The following ANKS1A variants were observed in gnomAD, a reference collection of about 807,000 sequenced individuals.
ANKS1A encodes the protein ankyrin repeat and SAM domain-containing protein 1A.
Under a neutral mutation model 120.3 loss-of-function variants are expected in ANKS1A, and 55 were observed. That is an observed-to-expected ratio of 0.46 (90% confidence interval 0.37 to 0.57). The LOEUF (loss-of-function observed/expected upper bound fraction) is 0.57. Among genes scored for constraint, ANKS1A ranks in the 20% least tolerant of loss-of-function variants. The pLI is 0.00. For missense variants in ANKS1A, 1,123 were observed against 1,480.3 expected (o/e 0.76, Z 3.96); for synonymous variants, 590 against 604.7 (o/e 0.98, Z 0.36).
At chr6:35,075,605 G>A (rs1050704963) in intron 13 of ANKS1A, among the ~76,000 whole-genome samples, 3 of 151,900 alleles carry the variant, frequency 2.0e-5, no homozygotes, top group Admixed American at 6.6e-5. Flanking sequence ...TAGTAGAGAC[G>A]GGGTTTCACC....
chr6:35,066,368 C>T (rs978499039), intron 13 of ANKS1A, among the ~76,000 whole-genome samples: 2 of 128,444 alleles, frequency 1.6e-5, no homozygotes, highest in South Asian at 5.1e-4. Flanking sequence ...CCTCTGACTC[C>T]AGACTCACTT....
chr6:35,020,511 C>T (rs755501338), intron 11 of ANKS1A, among the ~76,000 whole-genome samples: 11 of 152,292 alleles, frequency 7.2e-5, no homozygotes, highest in Non-Finnish European at 1.0e-4. Flanking sequence ...ATCCTTTAAA[C>T]GGGCTGGAAG....
chr6:35,052,294 C>T (rs776891809), intron 11 of ANKS1A, among the ~76,000 whole-genome samples: 44 of 149,174 alleles, frequency 2.9e-4, no homozygotes, highest in African/African-American at 1.0e-3. Flanking sequence ...CAAAAAATAA[C>T]AAAAAAATTA....
At chr6:34,904,757 C>T (rs1767557587) in intron 1 of ANKS1A, among the ~76,000 whole-genome samples, 1 of 152,146 alleles carries the variant, frequency 6.6e-6, no homozygotes, top group Non-Finnish European at 1.5e-5. Context: ...ATGTTTTGCA[C>T]TTCCTGTTGC....
At chr6:35,072,521 T>C (rs753069222) in intron 13 of ANKS1A, among the ~76,000 whole-genome samples, 2 of 152,206 alleles carry the variant, frequency 1.3e-5, no homozygotes, top group African/African-American at 2.4e-5. Flanking sequence ...TGAACTCCAA[T>C]AGGCCAGGCT....
chr6:35,039,658 C>T (rs755332577), intron 11 of ANKS1A: 196 of 456,022 alleles, frequency 4.3e-4, no homozygotes, highest in Middle Eastern at 2.3e-3. Flanking sequence ...CAGTGCTCTG[C>T]ACAGAAGCCA....
chr6:35,077,130 T>C (rs925498647), intron 13 of ANKS1A, among the ~76,000 whole-genome samples: 2 of 152,152 alleles, frequency 1.3e-5, no homozygotes, highest in African/African-American at 4.8e-5. Context: ...GTGTGGGGGA[T>C]CTAGCACTGG....
At chr6:34,973,279 C>T (rs1771276580) in intron 3 of ANKS1A, among the ~76,000 whole-genome samples, 1 of 152,110 alleles carries the variant, frequency 6.6e-6, no homozygotes, top group African/African-American at 2.4e-5. Flanking sequence ...TCACTCTTGA[C>T]CCAGGAAGCG....
At position 35,058,122 on chromosome 6, in the gene ANKS1A, C is replaced by G. The variant is rs961740121; in HGVS notation, c.2078-2025C>G. 2 of 152,428 alleles carry G rather than the reference C, an allele frequency of 1.3e-5. No homozygotes were observed. The highest frequency in any genetic ancestry group is 6.5e-5 in the Admixed American group (1 of 15,276). The allele number at this position is 152,428 out of a possible 1,614,324, so 9.4% of individuals were successfully genotyped here. On this transcript the variant is annotated intron_variant, in intron 12 of 23. Coordinates refer to ENST00000360359, the MANE Select transcript of ANKS1A (RefSeq NM_015245.3). This position sits in a 1 kb window ranked among gnomAD's most constrained non-coding sequence, Gnocchi z 5.1. ...GTTGCTTCTGCTCCGATGTGATGTC[C>G]GATCCCTGATGTATTTTCCTGAGCT...
chr6:34,892,510 G>A (rs1286820263), intron 1 of ANKS1A, among the ~76,000 whole-genome samples: 3 of 152,202 alleles, frequency 2.0e-5, no homozygotes, highest in Non-Finnish European at 2.9e-5. Context: ...GGCAGAAATA[G>A]GAGCTTACAG....
Position 35,084,108 on chromosome 6 carries a change from CTT to C in ANKS1A, c.2995-11_2995-10del, listed in dbSNP as rs771162329. ...TGAGCCTGAGAATTCCAGAACACGGCTTTCCCCAGCAGAACGTCATTGCAGAG... is the reference window on the plus strand; with the variant it reads ...TGAGCCTGAGAATTCCAGAACACGGCTCCCCAGCAGAACGTCATTGCAGAG... On this transcript the variant is annotated splice_polypyrimidine_tract_variant and intron_variant, in intron 20 of 23. Coordinates refer to ENST00000360359, the MANE Select transcript of ANKS1A (RefSeq NM_015245.3). The surrounding 1 kb of genome is among the most constrained non-coding windows in gnomAD (Gnocchi z 4.8). The C allele has an allele frequency of 1.2e-6, 2 of 1,613,790 alleles. No homozygotes were observed. Among genetic ancestry groups the C allele is most frequent in the Non-Finnish European group, 1.7e-6 (2 of 1,179,862 alleles).
rs769768943 is a variant in ANKS1A, at chr6:34,982,018, CAA to C, written c.732+33_732+34del. On this transcript the variant is annotated intron_variant, in intron 4 of 23. Coordinates refer to ENST00000360359, the MANE Select transcript of ANKS1A (RefSeq NM_015245.3). The surrounding 1 kb of genome is among the most constrained non-coding windows in gnomAD (Gnocchi z 4.9). ...GGGCGGGTGGGGGCTCCTCCAATCT[CAA>C]GAGACTCAGTCATTTTGCAGAAGGC... 6.2e-7 allele frequency: 1 copy of C among 1,606,402 alleles called. No homozygotes were observed. Among genetic ancestry groups the C allele is most frequent in the Admixed American group, 1.7e-5 (1 of 59,430 alleles).
intron 1 of ANKS1A, among the ~76,000 whole-genome samples, chr6:34,916,471 G>A (rs1206414491): frequency 6.6e-6 from 1 of 152,174 alleles, no homozygotes; most frequent in Admixed American, 6.5e-5. Flanking sequence ...GGAGACTGCT[G>A]TAGAAGAAAA....
Position 34,982,976 on chromosome 6 carries a change from G to T in ANKS1A, c.809-137G>T. The T allele has an allele frequency of 8.0e-7, 1 of 1,243,128 alleles. No individual in the cohort carries two copies. The highest frequency in any genetic ancestry group is 1.3e-5 in the South Asian group (1 of 78,782). 77.0% of individuals were successfully genotyped at this position (1,243,128 alleles called of 1,614,324 possible). On this transcript the variant is annotated intron_variant, in intron 5 of 23. Coordinates refer to ENST00000360359, the MANE Select transcript of ANKS1A (RefSeq NM_015245.3). The surrounding 1 kb of genome is among the most constrained non-coding windows in gnomAD (Gnocchi z 4.9). ...GATTACAAGTGTGTAAACTGTTCTTGAATAGCTGGATTAAATGGCTCTGGA... is the reference window on the plus strand; with the variant it reads ...GATTACAAGTGTGTAAACTGTTCTTTAATAGCTGGATTAAATGGCTCTGGA...
At chr6:35,051,732 G>A (rs1437736812) in intron 11 of ANKS1A, among the ~76,000 whole-genome samples, 4 of 152,224 alleles carry the variant, frequency 2.6e-5, no homozygotes, top group African/African-American at 9.6e-5. Flanking sequence ...GCAACTGGGA[G>A]ATGGGTAAGG....
intron 1 of ANKS1A, among the ~76,000 whole-genome samples, chr6:34,898,568 G>T (rs1181297171): frequency 6.6e-6 from 1 of 152,164 alleles, no homozygotes; most frequent in Non-Finnish European, 1.5e-5. Flanking sequence ...TTGGATTTCT[G>T]AATTGTTGAT....
intron 11 of ANKS1A, among the ~76,000 whole-genome samples, chr6:35,046,332 T>G (rs1299917239): frequency 1.3e-5 from 2 of 152,194 alleles, no homozygotes; most frequent in Admixed American, 6.5e-5. Context: ...CCATCGACTT[T>G]CCCACATTCC....
In ANKS1A at chr6:35,087,595, G is replaced by A. The variant is rs1013729437; in HGVS notation, c.3401+546G>A. Among the ~76,000 whole-genome samples the A allele has an allele frequency of 4.9e-4, 74 of 152,190 alleles. 2 individuals carry two copies. Among genetic ancestry groups the A allele is most frequent in the African/African-American group, 3.4e-4 (14 of 41,456 alleles). ...AGTCCCCAGCACTCTGCTCACAGCC[G>A]GCCTGCAGCCCCACCCCACTGTCCT... On this transcript the variant is annotated intron_variant, in intron 23 of 23. Coordinates refer to ENST00000360359, the MANE Select transcript of ANKS1A (RefSeq NM_015245.3).
chr6:35,037,055 C>T (rs1775209691), intron 11 of ANKS1A, among the ~76,000 whole-genome samples: 1 of 152,222 alleles, frequency 6.6e-6, no homozygotes, highest in Non-Finnish European at 1.5e-5. Context: ...AAGAACCAGG[C>T]ATGGGATTAC....
Sources: allele counts gnomAD v4.1 joint callset (sites outside exome capture counted in the v4.1 genomes callset), GRCh38; gene constraint gnomAD v4.1.1; non-coding constraint Gnocchi (gnomAD v3.1); transcripts MANE v1.5; gene names NCBI Gene and HGNC (gene_info 2026-07-23, HGNC 2026-07-21).